ERC1: variants seen among roughly 807,000 people sequenced by gnomAD.
ERC1 encodes RAB6 interacting protein 2.
Under a neutral mutation model 132.0 loss-of-function variants are expected in ERC1, and 56 were observed. That is an observed-to-expected ratio of 0.42 (90% CI 0.34 to 0.53). The LOEUF is 0.53. Among genes scored for constraint, ERC1 ranks in the 20% least tolerant of loss-of-function variants. ERC1 has a pLI of 0.03. For missense variants in ERC1, 1,202 were observed against 1,349.9 expected, an observed-to-expected ratio of 0.89 and a Z score of 1.72; for synonymous variants, 478 against 476.1, an observed-to-expected ratio of 1.00 and a Z score of -0.05.
chr12:1,489,875 A>G (rs2094299621), intron 18 of ERC1, among the ~76,000 whole-genome samples: 1 of 152,192 alleles, frequency 6.6e-6, no homozygotes, highest in South Asian at 2.1e-4. Context: ...CTCTGCAAAA[A>G]TGATCAGCTT....
chr12:992,845 G>T (rs1485359263), intron 1 of ERC1, among the ~76,000 whole-genome samples: 1 of 152,220 alleles, frequency 6.6e-6, no homozygotes, highest in Non-Finnish European at 1.5e-5. Context: ...AGTAGACATG[G>T]CTCTCAATAA....
At chr12:1,471,182 C>G (rs953876041) in intron 18 of ERC1, among the ~76,000 whole-genome samples, 1 of 152,178 alleles carries the variant, frequency 6.6e-6, no homozygotes, top group African/African-American at 2.4e-5. Context: ...CCCAGCTGCT[C>G]AGGAGGCTGA....
intron 14 of ERC1, among the ~76,000 whole-genome samples, chr12:1,272,037 T>C (rs866717376): frequency 9.2e-5 from 14 of 152,326 alleles, no homozygotes; most frequent in Middle Eastern, 3.4e-3. Flanking sequence ...CTGTATTCCA[T>C]AATGGCGAAG....
chr12:1,265,018 G>A (rs1308032670), intron 14 of ERC1, among the ~76,000 whole-genome samples: 1 of 152,146 alleles, frequency 6.6e-6, no homozygotes, highest in Non-Finnish European at 1.5e-5. Context: ...TGAACTTTTT[G>A]CAGAATGAGT....
intron 1 of ERC1, among the ~76,000 whole-genome samples, chr12:994,775 A>G (rs546949869): frequency 6.2e-4 from 94 of 152,194 alleles, no homozygotes; most frequent in Non-Finnish European, 7.8e-4. Flanking sequence ...ATGGCTGGGC[A>G]ACATAGCGAG....
chr12:1,168,263 G>A (rs1952647182), intron 8 of ERC1, among the ~76,000 whole-genome samples: 1 of 152,032 alleles, frequency 6.6e-6, no homozygotes, highest in Non-Finnish European at 1.5e-5. Flanking sequence ...TAAGACTACA[G>A]TTGTACAGCA....
chr12:1,176,355 A>G (rs552830738), intron 8 of ERC1, among the ~76,000 whole-genome samples: 4 of 152,206 alleles, frequency 2.6e-5, no homozygotes, highest in Non-Finnish European at 5.9e-5. Flanking sequence ...AGTGGGTTTA[A>G]TACACCAAGT....
intron 14 of ERC1, among the ~76,000 whole-genome samples, chr12:1,279,369 G>C (rs1166926119): frequency 1.3e-5 from 2 of 152,074 alleles, no homozygotes; most frequent in Non-Finnish European, 2.9e-5. Context: ...ATTTGGATTT[G>C]TCTTTTTTTG....
At chr12:1,440,341 A>C (rs889658438) in intron 17 of ERC1, among the ~76,000 whole-genome samples, 3 of 147,788 alleles carry the variant, frequency 2.0e-5, no homozygotes, top group African/African-American at 7.6e-5. Context: ...AGTAGCTGGG[A>C]CTACAGACGC....
At chr12:1,362,474 C>G (rs938791614) in intron 15 of ERC1, among the ~76,000 whole-genome samples, 7 of 151,968 alleles carry the variant, frequency 4.6e-5, no homozygotes, top group Admixed American at 2.6e-4. Flanking sequence ...CTCTCTGTCT[C>G]TCTCTCTCTC....
At chr12:1,159,279 G>A (rs926545279) in intron 8 of ERC1, among the ~76,000 whole-genome samples, 1 of 152,124 alleles carries the variant, frequency 6.6e-6, no homozygotes, top group African/African-American at 2.4e-5. Flanking sequence ...GGATGAAACT[G>A]TCCCACGTCA....
rs539062740 is a variant in ERC1 at position 1,061,502 on chromosome 12, C to T, written c.670-21662C>T. Among the ~76,000 whole-genome samples the T allele has an allele frequency of 4.0e-5, 6 of 151,412 alleles. No homozygotes were observed. The South Asian group carries it at 1.3e-3, about 32-fold the overall frequency. ...CCAGTAATCACAGTTACTTGGGAGG[C>T]TGAGGCATGAGAATCACTTGAACCT... On this transcript the variant is annotated intron_variant, in intron 2 of 18. Transcript: ENST00000360905.
chr12:1,122,217 A>ATC (rs1324321089), intron 7 of ERC1, among the ~76,000 whole-genome samples: 8 of 34,446 alleles, frequency 2.3e-4, no homozygotes, highest in Admixed American at 5.9e-4. Flanking sequence ...CTCTATCTCT[A>ATC]TCTCTATCTC....
chr12:1,214,151 CTTCAT>C (rs1958150938), intron 12 of ERC1, among the ~76,000 whole-genome samples: 1 of 151,938 alleles, frequency 6.6e-6, no homozygotes, highest in African/African-American at 2.4e-5. Flanking sequence ...TGTACACCAT[CTTCAT>C]TTCATATTTG....
chr12:1,183,701 C>G (rs894802341), intron 11 of ERC1, among the ~76,000 whole-genome samples: 1 of 151,982 alleles, frequency 6.6e-6, no homozygotes, highest in Admixed American at 6.6e-5. Flanking sequence ...TCTCTGTTAC[C>G]TGATATTTTT....
Position 1,489,058 on chromosome 12 carries a change from C to T in ERC1, c.3214-1035C>T, listed in dbSNP as rs541658749. ...TGGTTTGGTTTCTAGGCAGATCACG[C>T]TGGAACGTCCTCACTTCACGTGCTC... On this transcript the variant is annotated intron_variant, in intron 18 of 18. Transcript: ENST00000360905. Among the ~76,000 whole-genome samples, 35 of 152,334 alleles carry T rather than the reference C, an allele frequency of 2.3e-4. 2 individuals carry two copies. In the South Asian group the frequency reaches 7.0e-3, roughly 31 times the overall value.
chr12:991,247 C>CGGGGGCGGCGGCGGTAGT lies in ERC1; in HGVS notation c.-230_-229insGGGCGGCGGCGGTAGTGG, dbSNP rs1959191261. The stretch of plus-strand genomic sequence containing the variant: ...CGCGGGCGCCTGGGCCGTGCTGTGG[C>CGGGGGCGGCGGCGGTAGT]GGCGGCGGCGGCGGTAGTGGCGGCG... On this transcript the variant is annotated 5_prime_UTR_variant, in exon 1 of 19. Coordinates refer to ENST00000360905, the MANE Select transcript of ERC1 (RefSeq NM_178040.4). The CGGGGGCGGCGGCGGTAGT allele has an allele frequency of 6.3e-6, 1 of 158,302 alleles. No individual in the cohort carries two copies. Among genetic ancestry groups the CGGGGGCGGCGGCGGTAGT allele is most frequent in the African/African-American group, 2.5e-5 (1 of 39,724 alleles). The allele number at this position is 158,302 out of a possible 1,614,324, so 9.8% of individuals were successfully genotyped here.
At chr12:1,062,831 A>G (rs914645089) in intron 2 of ERC1, among the ~76,000 whole-genome samples, 2 of 152,156 alleles carry the variant, frequency 1.3e-5, no homozygotes, top group Non-Finnish European at 2.9e-5. Flanking sequence ...TTATTCTTAT[A>G]TTGGGATCTA....
At chr12:1,017,154 G>A (rs992740766) in intron 1 of ERC1, among the ~76,000 whole-genome samples, 5 of 151,810 alleles carry the variant, frequency 3.3e-5, no homozygotes, top group South Asian at 2.1e-4. Flanking sequence ...GTGCCACCAC[G>A]CCCAGCTAAT....
Sources: allele counts gnomAD v4.1 joint callset (sites outside exome capture counted in the v4.1 genomes callset), GRCh38; gene constraint gnomAD v4.1.1; transcripts MANE v1.5; gene names NCBI Gene and HGNC (gene_info 2026-07-23, HGNC 2026-07-21).